RANBP2: variants seen among roughly 807,000 people sequenced by gnomAD.
RANBP2 encodes the protein E3 SUMO-protein ligase RanBP2.
RANBP2 carries 57 observed loss-of-function variants against 303.6 expected under a neutral mutation model. That is an observed-to-expected ratio of 0.19 (90% CI 0.15 to 0.23). The LOEUF (loss-of-function observed/expected upper bound fraction) is 0.23. RANBP2 is among the 10% of genes least tolerant of loss of function. RANBP2 has a pLI of 1.00. For missense variants in RANBP2, 3,138 were observed against 3,780.8 expected, an observed-to-expected ratio of 0.83 and a Z score of 4.46; for synonymous variants, 1,167 against 1,301.5, an observed-to-expected ratio of 0.90 and a Z score of 2.23.
the RANBP2 span, chr2:109,614,426 T>G: frequency 4.4e-6 from 5 of 1,135,444 alleles, no homozygotes; most frequent in Non-Finnish European, 5.5e-6. Flanking sequence ...AGCCGGCCGC[T>G]GGGAGCCCGT....
chr2:108,837,296 G>A, the RANBP2 span, among the ~76,000 whole-genome samples: 13,464 of 152,222 alleles, frequency 0.088, 793 homozygotes, highest in African/African-American at 0.16. Context: ...AAATAATCGT[G>A]TGGGTTTTGT....
the RANBP2 span, among the ~76,000 whole-genome samples, chr2:109,034,783 C>G: frequency 2.0e-5 from 3 of 152,154 alleles, no homozygotes; most frequent in Non-Finnish European, 4.4e-5. Flanking sequence ...CTCAAAAACC[C>G]TGGGGGCTTA....
chr2:109,129,535 T>C, the RANBP2 span: 2 of 1,495,316 alleles, frequency 1.3e-6, no homozygotes, highest in East Asian at 5.6e-5. Flanking sequence ...TGCGGGCGCC[T>C]CCCCCATGCT....
the RANBP2 span, chr2:108,897,146 C>G: frequency 6.2e-7 from 1 of 1,613,828 alleles, no homozygotes; most frequent in Non-Finnish European, 8.5e-7. Flanking sequence ...GTTTTCACAA[C>G]AGCCTTCTCA....
At chr2:109,398,758 G>A in the RANBP2 span, 6 of 1,613,540 alleles carry the variant, frequency 3.7e-6, no homozygotes, top group Admixed American at 1.7e-5. Flanking sequence ...GCGTGTGGAT[G>A]GCAAGAAGAA....
the RANBP2 span, among the ~76,000 whole-genome samples, chr2:109,250,090 C>CTT: frequency 3.0e-5 from 4 of 134,932 alleles, no homozygotes; most frequent in East Asian, 2.1e-4. Flanking sequence ...GTAGGTGTTC[C>CTT]TTTTTTTTTT....
chr2:109,650,037 T>G, the RANBP2 span, among the ~76,000 whole-genome samples: 1 of 152,204 alleles, frequency 6.6e-6, no homozygotes, highest in Non-Finnish European at 1.5e-5. Context: ...GTCTCAATTT[T>G]GGATATTCCT....
chr2:109,381,132 G>A, the RANBP2 span, among the ~76,000 whole-genome samples: 1 of 152,212 alleles, frequency 6.6e-6, no homozygotes, highest in African/African-American at 2.4e-5. Flanking sequence ...TGCGACGATG[G>A]AAGGCTTAAG....
At chr2:109,652,626 C>T in the RANBP2 span, among the ~76,000 whole-genome samples, 2 of 152,202 alleles carry the variant, frequency 1.3e-5, no homozygotes, top group African/African-American at 4.8e-5. Context: ...TGCACGTGCA[C>T]AGCCATGTGG....
the RANBP2 span, among the ~76,000 whole-genome samples, chr2:109,055,193 T>G: frequency 1.3e-5 from 2 of 152,182 alleles, no homozygotes; most frequent in Non-Finnish European, 2.9e-5. Context: ...TTCATATATA[T>G]TCTTTTCTGA....
chr2:109,369,439 C>T, the RANBP2 span, among the ~76,000 whole-genome samples: 1 of 152,240 alleles, frequency 6.6e-6, no homozygotes, highest in Non-Finnish European at 1.5e-5. Context: ...AGACCTGAGG[C>T]TGACTTTTGG....
At chr2:108,750,233 T>G (rs1675762168) in intron 9 of RANBP2, among the ~76,000 whole-genome samples, 1 of 152,280 alleles carries the variant, frequency 6.6e-6, no homozygotes, top group Admixed American at 6.5e-5. Context: ...ATGATTTATC[T>G]TGCTTCCTTC....
At chr2:108,799,950 T>G in the RANBP2 span, among the ~76,000 whole-genome samples, 1 of 152,084 alleles carries the variant, frequency 6.6e-6, no homozygotes, top group African/African-American at 2.4e-5. Flanking sequence ...AATTTCAAGT[T>G]GTTTAAAAAA....
Position 108,764,989 on chromosome 2 carries a change from G to A in RANBP2, c.4450G>A (p.Asp1484Asn), listed in dbSNP as rs1677015382. The change falls in exon 20 of 29, where the codon GAT (aspartate) becomes AAT (asparagine). Residue 1484 changes from aspartate to asparagine, a missense_variant. By Grantham distance (23) the Asp-to-Asn change is conservative. Around this residue, in one of 20 missense-constraint regions of RANBP2, gnomAD observed 388 missense variants for 328.5 expected, o/e 1.18. Coordinates refer to ENST00000283195, the MANE Select transcript of RANBP2 (RefSeq NM_006267.5). ...TTTTTCTACAAAGGAAGGACAGTGG[G>A]ATTGCAGTGCATGTTTGGTACAAAA... is the stretch of plus-strand genomic sequence containing the variant. ...SVFSTKEGQW[D>N]CSACLVQNEG... The A allele has an allele frequency of 1.2e-6, 2 of 1,614,084 alleles. No individual in the cohort carries two copies. The highest frequency in any genetic ancestry group is 2.2e-5 in the East Asian group (1 of 44,888).
At chr2:109,161,124 A>ATG in the RANBP2 span, among the ~76,000 whole-genome samples, 1 of 152,184 alleles carries the variant, frequency 6.6e-6, no homozygotes, top group Non-Finnish European at 1.5e-5. Context: ...AGGCTTCCTG[A>ATG]TGTATCCTTG....
chr2:108,998,475 C>T, the RANBP2 span, among the ~76,000 whole-genome samples: 1 of 152,222 alleles, frequency 6.6e-6, no homozygotes, highest in African/African-American at 2.4e-5. Flanking sequence ...ACACCCTCAA[C>T]ACATCCAATC....
At chr2:109,369,425 C>A in the RANBP2 span, among the ~76,000 whole-genome samples, 1 of 152,318 alleles carries the variant, frequency 6.6e-6, no homozygotes, top group African/African-American at 2.4e-5. Context: ...TGCTAAATGC[C>A]CCCAGACCTG....
At chr2:108,983,871 C>T in the RANBP2 span, among the ~76,000 whole-genome samples, 1 of 152,170 alleles carries the variant, frequency 6.6e-6, no homozygotes, top group African/African-American at 2.4e-5. Flanking sequence ...GCCACTGCGT[C>T]CCCACTCCAT....
chr2:109,423,546 C>T, the RANBP2 span, among the ~76,000 whole-genome samples: 800 of 152,328 alleles, frequency 5.3e-3, 12 homozygotes, highest in African/African-American at 0.018. Context: ...GCTGGTGCTG[C>T]ACTCAGCCTG....
Sources: gnomAD v4.1 joint callset for allele counts (sites outside exome capture counted in the v4.1 genomes callset) on GRCh38, gnomAD v4.1.1 for gene constraint, gnomAD v4.1.1 regional missense constraint, MANE v1.5 for transcripts, NCBI Gene and HGNC (gene_info 2026-07-23, HGNC 2026-07-21) for gene names.